The following ABLIM2 variants were observed in gnomAD, a reference collection of about 807,000 sequenced individuals.
ABLIM2 encodes the protein actin-binding LIM protein 2.
Under a neutral mutation model 97.7 loss-of-function variants are expected in ABLIM2, and 53 were observed. The ratio of observed to expected loss-of-function variants is 0.54; its 90% confidence interval spans 0.44 to 0.68. The LOEUF (loss-of-function observed/expected upper bound fraction) is 0.68, where lower values mean the gene tolerates loss of function less well. Ranked by LOEUF, ABLIM2 falls within the 30% of genes least tolerant of loss-of-function variation. ABLIM2 has a pLI of 0.00. For synonymous variants in ABLIM2, 361 were observed against 345.8 expected (o/e 1.04, Z -0.49); for missense variants, 835 against 867.2 (o/e 0.96, Z 0.47).
chr4:7,991,968 G>T (rs1749107633), intron 17 of ABLIM2, among the ~76,000 whole-genome samples: 1 of 152,146 alleles, frequency 6.6e-6, no homozygotes, highest in African/African-American at 2.4e-5. Context: ...AACAAAGAGG[G>T]GGCCAGTTTT....
At chr4:8,088,100 A>G in intron 4 of ABLIM2, 69 bp downstream of exon 4, 2 of 130,928 alleles carry the variant, frequency 1.5e-5, no homozygotes, top group Non-Finnish European at 3.1e-5. Context: ...AACTCAGCAT[A>G]CCCACCCATT....
chr4:8,015,733 C>A lies in ABLIM2; in HGVS notation c.1423+3885G>T, dbSNP rs1339052151. On this transcript the variant is annotated intron_variant, in intron 14 of 20. Coordinates refer to ENST00000447017, the MANE Select transcript of ABLIM2 (RefSeq NM_001130083.2). This position sits in a 1 kb window ranked among gnomAD's most constrained non-coding sequence, Gnocchi z 4.6. ...GGTGAGGAGAGAGCTGCATTGCCAT[C>A]TGGTGGCTCATGTTTGCTTAGAAAT... 6.6e-6 allele frequency among the ~76,000 whole-genome samples: 1 copy of A among 152,112 alleles called. No homozygotes were observed. The highest frequency in any genetic ancestry group is 1.9e-4 in the East Asian group (1 of 5,182).
chr4:8,118,752 G>A (rs1561533332), intron 1 of ABLIM2, among the ~76,000 whole-genome samples: 1 of 152,200 alleles, frequency 6.6e-6, no homozygotes, highest in Admixed American at 6.5e-5. Context: ...GGGGAGCACT[G>A]TGTGCCCATC....
chr4:7,985,295 G>A (rs1219038259), intron 17 of ABLIM2, among the ~76,000 whole-genome samples: 3 of 152,158 alleles, frequency 2.0e-5, no homozygotes, highest in African/African-American at 4.8e-5. Context: ...AGCGCTCTGC[G>A]GTTCCCCGTT....
intron 9 of ABLIM2, among the ~76,000 whole-genome samples, chr4:8,037,316 GC>G: frequency 6.9e-6 from 1 of 144,614 alleles, no homozygotes; most frequent in Non-Finnish European, 1.5e-5. Context: ...GCACATGCAT[GC>G]GCACACATGC....
chr4:8,063,151 T>C (rs1177696008), intron 6 of ABLIM2, among the ~76,000 whole-genome samples: 2 of 152,160 alleles, frequency 1.3e-5, no homozygotes, highest in Non-Finnish European at 2.9e-5. Flanking sequence ...CTGCAACCTC[T>C]GCCTCCCGGG....
intron 12 of ABLIM2, among the ~76,000 whole-genome samples, chr4:8,025,722 C>A (rs934622514): frequency 1.3e-5 from 2 of 152,160 alleles, no homozygotes; most frequent in African/African-American, 4.8e-5. Flanking sequence ...GCGGGGTGAG[C>A]CTGCCCTCGG....
At chr4:8,052,018 C>G (rs57147516) in intron 8 of ABLIM2, among the ~76,000 whole-genome samples, 3 of 152,176 alleles carry the variant, frequency 2.0e-5, no homozygotes, top group Admixed American at 6.5e-5. Context: ...CTCTTTCTCT[C>G]TACCAGGGAG....
rs377494224 is a variant in ABLIM2 at position 8,054,227 on chromosome 4, C to A, written c.783G>T (p.Pro261=). 6.2e-7 allele frequency: 1 copy of A among 1,614,022 alleles called. No individual in the cohort carries two copies. The highest frequency in any genetic ancestry group is 1.7e-5 in the Admixed American group (1 of 60,026). ...CAGTTCTGGCTGCTTGTCGACACGC[C>A]GGATGCCAGATGGAGGAACCTGTTG... is the stretch of plus-strand genomic sequence containing the variant. ...MYLQGSSIWH[P]ACRQAARTED... is the part of the protein sequence containing the mutation. Residue 261 remains proline (P), a synonymous_variant, in exon 8 of 21, where the codon CCG becomes CCT. Coordinates refer to ENST00000447017, the MANE Select transcript of ABLIM2 (RefSeq NM_001130083.2). The surrounding 1 kb of genome is among the most constrained non-coding windows in gnomAD (Gnocchi z 4.9).
chr4:8,091,304 AT>A (rs1484126834), intron 3 of ABLIM2, among the ~76,000 whole-genome samples: 1 of 34,954 alleles, frequency 2.9e-5, no homozygotes, highest in African/African-American at 1.5e-4. Context: ...TATATATTAT[AT>A]TATATATATA....
intron 20 of ABLIM2, among the ~76,000 whole-genome samples, chr4:7,977,483 C>T (rs1734425102): frequency 6.6e-6 from 1 of 152,174 alleles, no homozygotes; most frequent in Non-Finnish European, 1.5e-5. Flanking sequence ...AGTGGGCCAC[C>T]ATATTGCCAT....
At chr4:7,997,515 T>C (rs1405524300) in intron 16 of ABLIM2, among the ~76,000 whole-genome samples, 1 of 152,272 alleles carries the variant, frequency 6.6e-6, no homozygotes, top group African/African-American at 2.4e-5. Context: ...TAGGATAATT[T>C]CTGCTCTGTC....
chr4:8,144,834 G>A (rs890899167), intron 1 of ABLIM2, among the ~76,000 whole-genome samples: 2 of 152,338 alleles, frequency 1.3e-5, no homozygotes, highest in Admixed American at 1.3e-4. Context: ...TGAGCTCTTT[G>A]GAAAGCATAA....
chr4:8,050,887 C>G (rs1795573517), intron 8 of ABLIM2, among the ~76,000 whole-genome samples: 2 of 152,266 alleles, frequency 1.3e-5, no homozygotes, highest in Non-Finnish European at 2.9e-5. Context: ...AACTAGCCCT[C>G]TGTTAAAAAT....
In ABLIM2 at chr4:8,032,764, A is replaced by G. The variant is rs1161565267; in HGVS notation, c.1048-2988T>C. On this transcript the variant is annotated intron_variant, in intron 10 of 20. Transcript: ENST00000447017. This position sits in a 1 kb window ranked among gnomAD's most constrained non-coding sequence, Gnocchi z 4.3. ...GGCAGTTCCGTGACTGGCAGGCAAC[A>G]CAGGCGCAAACACCCACACAGAGCC... 1.1e-5 allele frequency: 15 copies of G among 1,394,580 alleles called. No homozygotes were observed. The highest frequency in any genetic ancestry group is 1.5e-5 in the Non-Finnish European group (15 of 985,020). The allele number at this position is 1,394,580 out of a possible 1,614,324, so 86.4% of individuals were successfully genotyped here.
rs144969291 is a variant in ABLIM2 at position 8,052,474 on chromosome 4, G to T, written c.822+1714C>A. Among the ~76,000 whole-genome samples the T allele has an allele frequency of 2.0e-4, 30 of 152,364 alleles. No individual in the cohort carries two copies. The East Asian group carries it at 5.2e-3, about 26-fold the overall frequency. On this transcript the variant is annotated intron_variant, in intron 8 of 20. Transcript: ENST00000447017. ...ATTCACAATGTGCCAGCTAGCTGCT[G>T]CGATCCTGGCCAAGCTCACAGCGGG...
intron 12 of ABLIM2, 145 bp downstream of exon 12, chr4:8,027,613 AG>A: frequency 1.9e-6 from 1 of 536,600 alleles, no homozygotes; most frequent in Non-Finnish European, 3.1e-6. Context: ...ACACGGAGCC[AG>A]ACACACAAGA....
In ABLIM2 at chr4:8,003,983, G is replaced by A. The variant is rs889172518; in HGVS notation, c.1618+4076C>T. Among the ~76,000 whole-genome samples the A allele has an allele frequency of 4.6e-5, 7 of 152,116 alleles. No homozygotes were observed. The highest frequency in any genetic ancestry group is 8.8e-5 in the Non-Finnish European group (6 of 68,038). ...ATCCTCACGAGATTGACAGTAGCAC[G>A]TCAGGGAGGCTCTTCCTTCGACCAC... is the stretch of plus-strand genomic sequence containing the variant. On this transcript the variant is annotated intron_variant, in intron 16 of 20. Coordinates refer to ENST00000447017, the MANE Select transcript of ABLIM2 (RefSeq NM_001130083.2). This position sits in a 1 kb window ranked among gnomAD's most constrained non-coding sequence, Gnocchi z 4.2.
At chr4:8,158,113 G>A (rs1054123045) in intron 1 of ABLIM2, among the ~76,000 whole-genome samples, 1 of 152,226 alleles carries the variant, frequency 6.6e-6, no homozygotes, top group Non-Finnish European at 1.5e-5. Flanking sequence ...GGGGCGAGGG[G>A]CTGGAGACGC....
Sources: gnomAD v4.1 joint callset for allele counts (sites outside exome capture counted in the v4.1 genomes callset) on GRCh38, gnomAD v4.1.1 for gene constraint, Gnocchi (gnomAD v3.1) non-coding constraint, MANE v1.5 for transcripts, NCBI Gene and HGNC (gene_info 2026-07-23, HGNC 2026-07-21) for gene names.